ADORA2B: variants seen among roughly 807,000 people sequenced by gnomAD.
ADORA2B encodes adenosine A2b receptor.
In ADORA2B, 18 loss-of-function variants were observed where a neutral mutation model predicts 20.8. The ratio of observed to expected loss-of-function variants is 0.87; its 90% CI spans 0.60 to 1.29. ADORA2B has a LOEUF of 1.29. ADORA2B is among the 50% of genes most tolerant of loss of function. The pLI is 0.00. For missense variants in ADORA2B, 441 were observed against 422.7 expected, an observed-to-expected ratio of 1.04 and a Z score of -0.38; for synonymous variants, 179 against 178.3, an observed-to-expected ratio of 1.00 and a Z score of -0.03.
chr17:15,873,158 G>A, the ADORA2B span, among the ~76,000 whole-genome samples: 31,867 of 152,100 alleles, frequency 0.21, 3,939 homozygotes, highest in Non-Finnish European at 0.28. Context: ...CTATTGAGAT[G>A]ATCATATGGT....
At chr17:15,964,889 G>C (rs2779205) in intron 1 of ADORA2B, among the ~76,000 whole-genome samples, 1 of 151,772 alleles carries the variant, frequency 6.6e-6, no homozygotes, top group African/African-American at 2.4e-5. Context: ...GTGAAACCCC[G>C]TCTCTACTAA....
At chr17:15,894,392 A>G in the ADORA2B span, among the ~76,000 whole-genome samples, 1 of 152,220 alleles carries the variant, frequency 6.6e-6, no homozygotes, top group African/African-American at 2.4e-5. Flanking sequence ...TCGGTGTCAG[A>G]AGGTGGAGGA....
intron 1 of ADORA2B, among the ~76,000 whole-genome samples, chr17:15,952,128 G>A (rs142744985): frequency 6.6e-6 from 1 of 152,256 alleles, no homozygotes; most frequent in African/African-American, 2.4e-5. Flanking sequence ...TCCCACTACA[G>A]ATCACCTGGC....
chr17:15,972,239 G>A (rs1970196707), intron 1 of ADORA2B, among the ~76,000 whole-genome samples: 1 of 152,236 alleles, frequency 6.6e-6, no homozygotes, highest in Non-Finnish European at 1.5e-5. Context: ...CACTGGACGT[G>A]TGGAGCCGAG....
the ADORA2B span, among the ~76,000 whole-genome samples, chr17:15,925,101 T>A: frequency 1.3e-5 from 2 of 152,170 alleles, no homozygotes; most frequent in African/African-American, 4.8e-5. Context: ...AGTGGCACGA[T>A]CTTGGCTCAC....
Position 15,962,357 on chromosome 17 carries a change from A to T in ADORA2B, c.336-12322A>T, listed in dbSNP as rs371970763. On this transcript the variant is annotated intron_variant, in intron 1 of 1. Transcript: ENST00000304222. ...CAAAACAAAACAAAACAAAATTGGT[A>T]ATTTTCTTTTTTTTCCTCATTCCTT... is the stretch of plus-strand genomic sequence containing the variant. Among the ~76,000 whole-genome samples, 3 of 152,212 alleles carry T rather than the reference A, an allele frequency of 2.0e-5. No homozygotes were observed. The East Asian group carries it at 5.8e-4, about 29-fold the overall frequency.
At chr17:15,939,100 G>A in the ADORA2B span, among the ~76,000 whole-genome samples, 1 of 152,110 alleles carries the variant, frequency 6.6e-6, no homozygotes, top group Non-Finnish European at 1.5e-5. Flanking sequence ...GAGTGCAGCG[G>A]TGGGATCTTG....
At chr17:15,966,957 C>T (rs750429210) in intron 1 of ADORA2B, among the ~76,000 whole-genome samples, 17 of 152,324 alleles carry the variant, frequency 1.1e-4, no homozygotes, top group African/African-American at 2.6e-4. Flanking sequence ...AACGGAAGGA[C>T]GGAAGGACGT....
the ADORA2B span, among the ~76,000 whole-genome samples, chr17:15,880,266 G>C: frequency 7.7e-6 from 1 of 130,568 alleles, no homozygotes; most frequent in Non-Finnish European, 1.6e-5. Context: ...AGATTATGTC[G>C]AACCATACAT....
the ADORA2B span, among the ~76,000 whole-genome samples, chr17:15,909,540 G>A: frequency 0.086 from 12,988 of 151,900 alleles, 1,567 homozygotes; most frequent in African/African-American, 0.27. Context: ...TGGAGCGGCC[G>A]GCCTCTTTCA....
the ADORA2B span, among the ~76,000 whole-genome samples, chr17:15,919,349 A>G: frequency 1.3e-5 from 2 of 152,050 alleles, no homozygotes; most frequent in East Asian, 3.9e-4. Context: ...TCTGTCCTCT[A>G]CCTGCCAGCT....
intron 1 of ADORA2B, among the ~76,000 whole-genome samples, chr17:15,951,012 G>GGAAAGCACATTGTGGAT (rs1424744912): frequency 3.7e-4 from 56 of 152,316 alleles, no homozygotes; most frequent in African/African-American, 1.3e-3. Context: ...GCACAGGCTA[G>GGAAAGCACATTGTGGAT]GAAAGCACAT....
At chr17:15,902,897 G>T in the ADORA2B span, among the ~76,000 whole-genome samples, 1 of 152,224 alleles carries the variant, frequency 6.6e-6, no homozygotes, top group African/African-American at 2.4e-5. Context: ...CTGGCAACCT[G>T]TCATGGCAGG....
chr17:15,937,942 G>GCTT, the ADORA2B span, among the ~76,000 whole-genome samples: 1 of 152,114 alleles, frequency 6.6e-6, no homozygotes, highest in African/African-American at 2.4e-5. Flanking sequence ...TTTTTTACCA[G>GCTT]CTTCTTGTTA....
chr17:15,874,117 TACAC>T, the ADORA2B span, among the ~76,000 whole-genome samples: 31,648 of 146,980 alleles, frequency 0.22, 3,845 homozygotes, highest in Non-Finnish European at 0.28. Context: ...CATATATACA[TACAC>T]ACACACACAC....
At chr17:15,967,999 C>G (rs1970142553) in intron 1 of ADORA2B, among the ~76,000 whole-genome samples, 1 of 152,172 alleles carries the variant, frequency 6.6e-6, no homozygotes, top group South Asian at 2.1e-4. Flanking sequence ...AGGGGAGGGG[C>G]AGGACCCCTT....
At chr17:15,924,132 C>G in the ADORA2B span, among the ~76,000 whole-genome samples, 1 of 152,086 alleles carries the variant, frequency 6.6e-6, no homozygotes, top group African/African-American at 2.4e-5. Context: ...AGGCTGGTCT[C>G]GATCTCCTGA....
chr17:15,877,193 C>T, the ADORA2B span, among the ~76,000 whole-genome samples: 223 of 152,182 alleles, frequency 1.5e-3, 1 homozygote, highest in Admixed American at 4.4e-3. Flanking sequence ...TTCTTGTTTT[C>T]TAGATGTAAT....
chr17:15,960,854 C>T (rs558509201), intron 1 of ADORA2B, among the ~76,000 whole-genome samples: 232 of 148,670 alleles, frequency 1.6e-3, no homozygotes, highest in African/African-American at 5.5e-3. Flanking sequence ...CCAGCCTGGG[C>T]GACAGAGCAA....
Sources: gnomAD v4.1 joint callset for allele counts (sites outside exome capture counted in the v4.1 genomes callset) on GRCh38, gnomAD v4.1.1 for gene constraint, MANE v1.5 for transcripts, NCBI Gene and HGNC (gene_info 2026-07-23, HGNC 2026-07-21) for gene names.